PAPPA: variants seen among roughly 807,000 people sequenced by gnomAD.
The protein encoded by PAPPA is pappalysin 1, also known as pappalysin-1.
In PAPPA, 60 loss-of-function variants were observed where a neutral mutation model predicts 164.0. That is an observed-to-expected ratio of 0.37 (90% confidence interval 0.30 to 0.45). The LOEUF (loss-of-function observed/expected upper bound fraction) is 0.45. Among genes scored for constraint, PAPPA ranks in the 20% least tolerant of loss-of-function variants. The pLI is 1.00. For synonymous variants in PAPPA, 875 were observed against 814.1 expected (o/e 1.07, Z -1.27); for missense variants, 1,782 against 2,087.3 (o/e 0.85, Z 2.85).
chr9:116,163,238 ATGTT>A lies in PAPPA; in HGVS notation c.415+8655_415+8658del, dbSNP rs899266542. 5.9e-5 allele frequency among the ~76,000 whole-genome samples: 9 copies of A among 152,322 alleles called. No individual in the cohort carries two copies. The South Asian group carries it at 8.3e-4, about 14-fold the overall frequency. On this transcript the variant is annotated intron_variant, in intron 1 of 21. Coordinates refer to ENST00000328252, the MANE Select transcript of PAPPA (RefSeq NM_002581.5). ...ATATATATCCCATAATGTCAGGTGA[ATGTT>A]TGTAAAGAAAAAGTTGAGAAGGAAG...
In PAPPA at chr9:116,187,411, G is replaced by A. The variant is rs1310561174; in HGVS notation, c.673G>A (p.Gly225Ser). ...GGTGGCCACCTCTGGGGAACAAGTG[G>A]GTGGCATATTCAGCCCACTGACCCA... ...AQVATSGEQV[G>S]GIFSPLTQKC... is the part of the protein sequence containing the mutation. The change falls in exon 2 of 22, where the codon GGT (glycine) becomes AGT (serine). Residue 225 changes from glycine (G) to serine (S), a missense_variant. Physicochemically the swap from Gly to Ser is moderately conservative, Grantham distance 56 (BLOSUM62 0). Around this residue, in one of 2 missense-constraint regions of PAPPA, gnomAD observed 458 missense variants for 430.3 expected, o/e 1.06. Coordinates refer to ENST00000328252, the MANE Select transcript of PAPPA (RefSeq NM_002581.5). The surrounding 1 kb of genome is among the most constrained non-coding windows in gnomAD (Gnocchi z 4.2). 1.2e-6 allele frequency: 2 copies of A among 1,613,990 alleles called. No homozygotes were observed. The highest frequency in any genetic ancestry group is 1.7e-6 in the Non-Finnish European group (2 of 1,180,044).
intron 9 of PAPPA, among the ~76,000 whole-genome samples, chr9:116,295,273 C>T (rs147815533): frequency 0.036 from 5,482 of 152,084 alleles, 256 homozygotes; most frequent in African/African-American, 0.11. Context: ...AAAAGTGGGC[C>T]GGGCATGGTG....
At position 116,398,693 on chromosome 9, in the gene PAPPA, T is replaced by A; in HGVS notation, c.*2077T>A. On this transcript the variant is annotated 3_prime_UTR_variant, in exon 22 of 22. Coordinates refer to ENST00000328252, the MANE Select transcript of PAPPA (RefSeq NM_002581.5). ...GATAGTTTATGAGACTTGTACCATTTCACAAACTCTGAAATTGGGTTCCAT... is the reference window on the plus strand; with the variant it reads ...GATAGTTTATGAGACTTGTACCATTACACAAACTCTGAAATTGGGTTCCAT... 1 of 489,546 alleles carries A rather than the reference T, an allele frequency of 2.0e-6. No individual in the cohort carries two copies. Among genetic ancestry groups the A allele is most frequent in the Non-Finnish European group, 3.9e-6 (1 of 257,486 alleles). The allele number at this position is 489,546 out of a possible 1,614,324, so 30.3% of individuals were successfully genotyped here. A position where few individuals can be genotyped will look rare whatever the true frequency, so the allele number is the denominator to read the frequency against.
intron 1 of PAPPA, among the ~76,000 whole-genome samples, chr9:116,179,877 C>T (rs1397403999): frequency 6.6e-6 from 1 of 151,968 alleles, no homozygotes; most frequent in African/African-American, 2.4e-5. Context: ...CAAAACAAAA[C>T]AAAAAAGGGA....
chr9:116,214,875 T>G (rs1355595857), intron 4 of PAPPA, among the ~76,000 whole-genome samples: 1 of 152,214 alleles, frequency 6.6e-6, no homozygotes, highest in Non-Finnish European at 1.5e-5. Flanking sequence ...GCAATTCCAC[T>G]TCTAAGGAAT....
At chr9:116,213,924 A>G (rs1844340305) in intron 4 of PAPPA, among the ~76,000 whole-genome samples, 1 of 152,216 alleles carries the variant, frequency 6.6e-6, no homozygotes, top group Non-Finnish European at 1.5e-5. Context: ...TCTCAGGGCT[A>G]TGGAGAGCCA....
intron 9 of PAPPA, among the ~76,000 whole-genome samples, chr9:116,293,093 G>T (rs1845456693): frequency 6.6e-6 from 1 of 152,194 alleles, no homozygotes; most frequent in African/African-American, 2.4e-5. Context: ...TGGTGGAGTG[G>T]TGAGTATAGA....
rs192235427 is a variant in PAPPA at position 116,303,153 on chromosome 9, G to T, written c.3147+203G>T. Among the ~76,000 whole-genome samples, 110 of 152,182 alleles carry T rather than the reference G, an allele frequency of 7.2e-4. 1 individual carries two copies. The highest frequency in any genetic ancestry group is 1.5e-3 in the Non-Finnish European group (102 of 68,010). ...TAGGGCAGGGAACATTGTATGATAG[G>T]GTAATGACTGTCCTCCTATTTCCTT... is the stretch of plus-strand genomic sequence containing the variant. On this transcript the variant is annotated intron_variant, in intron 10 of 21. Transcript: ENST00000328252.
chr9:116,206,491 G>A (rs1383174405), intron 2 of PAPPA, among the ~76,000 whole-genome samples: 2 of 152,148 alleles, frequency 1.3e-5, no homozygotes, highest in Non-Finnish European at 2.9e-5. Context: ...TATTGAATTT[G>A]AGACTGAGAG....
intron 10 of PAPPA, among the ~76,000 whole-genome samples, chr9:116,310,544 C>G (rs926390651): frequency 1.3e-5 from 2 of 152,116 alleles, no homozygotes; most frequent in African/African-American, 4.8e-5. Flanking sequence ...GTCACTATAA[C>G]CACCCCCAAA....
intron 2 of PAPPA, among the ~76,000 whole-genome samples, chr9:116,204,409 T>C (rs1388125428): frequency 1.3e-5 from 2 of 152,160 alleles, no homozygotes; most frequent in East Asian, 3.9e-4. Flanking sequence ...GAGTAATGTT[T>C]GTTTGCTTTT....
chr9:116,331,251 G>T lies in PAPPA; in HGVS notation c.3155G>T (p.Arg1052Leu), dbSNP rs779997395. ...TTCTTTATATTTTTCCAGGTGTGTC[G>T]AACCAAGGTGATAGATCTCAGTGAA... Reference protein sequence around the residue: ...IGQPAASQVCRTKVIDLSEGI... With the variant: ...IGQPAASQVCLTKVIDLSEGI... The change falls in exon 11 of 22, where the codon CGA becomes CTA. Residue 1052 changes from arginine to leucine, a missense_variant. By Grantham distance (102) the Arg-to-Leu change is moderately radical. Transcript: ENST00000328252. The T allele has an allele frequency of 5.0e-6, 8 of 1,597,550 alleles. No homozygotes were observed. Among genetic ancestry groups the T allele is most frequent in the Non-Finnish European group, 6.9e-6 (8 of 1,165,344 alleles).
Position 116,401,184 on chromosome 9 carries a change from T to G in PAPPA, c.*4568T>G, listed in dbSNP as rs1454988864. 1.3e-5 allele frequency: 2 copies of G among 152,636 alleles called. No individual in the cohort carries two copies. Among genetic ancestry groups the G allele is most frequent in the African/African-American group, 4.8e-5 (2 of 41,472 alleles). The allele number at this position is 152,636 out of a possible 1,614,324, so 9.5% of individuals were successfully genotyped here. ...GAATATTTTATTTTTTTGGCAAATT[T>G]GATCTTACCCTTTACCAGTTCTATA... On this transcript the variant is annotated 3_prime_UTR_variant, in exon 22 of 22. Coordinates refer to ENST00000328252, the MANE Select transcript of PAPPA (RefSeq NM_002581.5).
intron 2 of PAPPA, among the ~76,000 whole-genome samples, chr9:116,205,082 TC>T (rs1554737708): frequency 1.3e-5 from 2 of 149,974 alleles, no homozygotes; most frequent in Admixed American, 6.6e-5. Context: ...TTTTTTTTTT[TC>T]CCCCCTTTGG....
intron 19 of PAPPA, among the ~76,000 whole-genome samples, chr9:116,372,381 T>C (rs187372432): frequency 6.3e-4 from 96 of 152,280 alleles, no homozygotes; most frequent in Admixed American, 1.8e-3. Context: ...AAATTTGAAA[T>C]CTCTTTCTTT....
intron 7 of PAPPA, among the ~76,000 whole-genome samples, chr9:116,265,531 GTCT>G (rs778686002): frequency 1.3e-5 from 2 of 152,072 alleles, no homozygotes; most frequent in Non-Finnish European, 2.9e-5. Flanking sequence ...CCTCACAAAC[GTCT>G]TCATTTTTAG....
chr9:116,207,406 G>A (rs773260527), intron 2 of PAPPA, 50 bp from the exon 3 acceptor site: 4 of 615,264 alleles, frequency 6.5e-6, no homozygotes, highest in Non-Finnish European at 6.2e-6. Flanking sequence ...GAGAGGGCCT[G>A]TTATCTTTTT....
intron 1 of PAPPA, among the ~76,000 whole-genome samples, chr9:116,157,153 A>C (rs1183937319): frequency 2.6e-5 from 4 of 152,148 alleles, no homozygotes; most frequent in Non-Finnish European, 4.4e-5. Flanking sequence ...GTAAAGGTCT[A>C]ATTTTACGGT....
At chr9:116,196,113 G>A (rs1265235755) in intron 2 of PAPPA, among the ~76,000 whole-genome samples, 1 of 152,064 alleles carries the variant, frequency 6.6e-6, no homozygotes, top group East Asian at 1.9e-4. Context: ...ACCAACCAAG[G>A]CTCTCTCCTG....
Sources: allele counts gnomAD v4.1 joint callset (sites outside exome capture counted in the v4.1 genomes callset), GRCh38; gene constraint gnomAD v4.1.1; regional missense constraint gnomAD v4.1.1; non-coding constraint Gnocchi (gnomAD v3.1); transcripts MANE v1.5; gene names NCBI Gene and HGNC (gene_info 2026-07-23, HGNC 2026-07-21).